The following SAMD5 variants were observed in gnomAD, a reference collection of about 807,000 sequenced individuals.
SAMD5 encodes the protein sterile alpha motif domain-containing protein 5.
A neutral mutation model predicts 11.3 loss-of-function variants in SAMD5; 13 were observed. The ratio of observed to expected loss-of-function variants is 1.15; its 90% confidence interval spans 0.75 to 1.83. The LOEUF (loss-of-function observed/expected upper bound fraction) is 1.83, where lower values mean the gene tolerates loss of function less well. SAMD5 is among the 40% of genes most tolerant of loss of function. The pLI is 0.00. For synonymous variants in SAMD5, 129 were observed against 111.3 expected, an observed-to-expected ratio of 1.16 and a Z score of -1.00; for missense variants, 255 against 239.1, an observed-to-expected ratio of 1.07 and a Z score of -0.44.
At chr6:147,656,109 G>A (rs547555374) in intron 1 of SAMD5, among the ~76,000 whole-genome samples, 1 of 152,198 alleles carries the variant, frequency 6.6e-6, no homozygotes, top group East Asian at 1.9e-4. Flanking sequence ...ATAATAAATG[G>A]TGTTGGGACA....
At chr6:147,691,276 G>C (rs1341926186) in intron 1 of SAMD5, among the ~76,000 whole-genome samples, 1 of 152,096 alleles carries the variant, frequency 6.6e-6, no homozygotes, top group African/African-American at 2.4e-5. Context: ...TTACAGGCGT[G>C]AGCCACCATA....
chr6:147,775,110 T>C, the SAMD5 span, among the ~76,000 whole-genome samples: 1 of 152,092 alleles, frequency 6.6e-6, no homozygotes. Flanking sequence ...TTATCGGGCT[T>C]ATGTGTCAGT....
At chr6:147,734,704 CT>C (rs1791767428) in intron 1 of SAMD5, among the ~76,000 whole-genome samples, 1 of 26,526 alleles carries the variant, frequency 3.8e-5, no homozygotes, top group Non-Finnish European at 9.0e-5. Context: ...CAGAGCGAGA[CT>C]CCATCTAAAA....
At chr6:147,602,794 C>CAA in intron 1 of SAMD5, among the ~76,000 whole-genome samples, 1 of 151,160 alleles carries the variant, frequency 6.6e-6, no homozygotes, top group African/African-American at 2.4e-5. Context: ...AAAAAAAACT[C>CAA]ACCCAATAAA....
the SAMD5 span, among the ~76,000 whole-genome samples, chr6:147,903,670 G>A: frequency 6.6e-6 from 1 of 152,138 alleles, no homozygotes; most frequent in African/African-American, 2.4e-5. Context: ...AGCACTTTAG[G>A]AGGCAGAGGT....
chr6:147,882,523 T>C, the SAMD5 span, among the ~76,000 whole-genome samples: 1 of 152,200 alleles, frequency 6.6e-6, no homozygotes, highest in African/African-American at 2.4e-5. Context: ...CAGGCTGCAG[T>C]GCGCTATGTT....
chr6:147,794,940 G>A, the SAMD5 span, among the ~76,000 whole-genome samples: 1,082 of 152,108 alleles, frequency 7.1e-3, 15 homozygotes, highest in African/African-American at 0.025. Flanking sequence ...ACCCTACACA[G>A]ACAGGGACCT....
the SAMD5 span, among the ~76,000 whole-genome samples, chr6:147,906,664 T>G: frequency 6.6e-6 from 1 of 152,172 alleles, no homozygotes; most frequent in Admixed American, 6.5e-5. Flanking sequence ...ATATCAGGAA[T>G]CAGTGCTCAG....
chr6:147,717,706 G>A (rs1027651252), intron 1 of SAMD5, among the ~76,000 whole-genome samples: 6 of 152,144 alleles, frequency 3.9e-5, no homozygotes, highest in Non-Finnish European at 5.9e-5. Flanking sequence ...AAAACTACAG[G>A]TGGTGGGCAC....
intron 1 of SAMD5, among the ~76,000 whole-genome samples, chr6:147,597,112 T>C (rs145543377): frequency 6.6e-6 from 1 of 152,288 alleles, no homozygotes; most frequent in African/African-American, 2.4e-5. Context: ...GCGAATATTT[T>C]AGAAGGATAT....
chr6:147,864,671 T>C, the SAMD5 span, among the ~76,000 whole-genome samples: 1 of 152,220 alleles, frequency 6.6e-6, no homozygotes, highest in African/African-American at 2.4e-5. Context: ...AACTTATTTG[T>C]TGTGGTGTGT....
At chr6:147,820,406 T>C in the SAMD5 span, among the ~76,000 whole-genome samples, 28 of 152,228 alleles carry the variant, frequency 1.8e-4, no homozygotes, top group African/African-American at 5.5e-4. Flanking sequence ...TAATTAACTT[T>C]AATCCATACT....
chr6:147,564,417 G>C lies in SAMD5; in HGVS notation c.483G>C (p.Glu161Asp), dbSNP rs771423925. ...AGGTCCCAATGGCTGGCATCCTAGA[G>C]TACTTAATGAATTGGCCGAAGTCAT... ...SRKVPMAGIL[E>D]YLMNWPKSSQ... The change falls in exon 2 of 2, where the codon GAG (glutamate) becomes GAC (aspartate). Residue 161 changes from glutamate to aspartate, a missense_variant. Glu to Asp is a conservative substitution (Grantham distance 45, BLOSUM62 2). Transcript: ENST00000367474. 1.3e-6 allele frequency: 1 copy of C among 780,942 alleles called. No individual in the cohort carries two copies. The highest frequency in any genetic ancestry group is 2.4e-5 in the East Asian group (1 of 41,224). 48.4% of individuals were successfully genotyped at this position (780,942 alleles called of 1,614,324 possible). A position where few individuals can be genotyped will look rare whatever the true frequency, so the allele number is the denominator to read the frequency against.
chr6:147,672,339 T>G (rs910624103), intron 1 of SAMD5, among the ~76,000 whole-genome samples: 3 of 152,166 alleles, frequency 2.0e-5, no homozygotes, highest in Non-Finnish European at 4.4e-5. Context: ...AGAAATTCTT[T>G]AATTACAAAA....
the SAMD5 span, among the ~76,000 whole-genome samples, chr6:147,923,533 G>A: frequency 6.6e-6 from 1 of 152,120 alleles, no homozygotes; most frequent in South Asian, 2.1e-4. Context: ...TTTACAAAGT[G>A]CTTTCGGTTT....
the SAMD5 span, among the ~76,000 whole-genome samples, chr6:147,744,276 A>G: frequency 1.3e-5 from 2 of 152,226 alleles, no homozygotes; most frequent in Non-Finnish European, 2.9e-5. Flanking sequence ...TATTATGGTA[A>G]TTAAATGAAC....
chr6:147,890,726 C>T, the SAMD5 span, among the ~76,000 whole-genome samples: 1 of 151,038 alleles, frequency 6.6e-6, no homozygotes, highest in Non-Finnish European at 1.5e-5. Flanking sequence ...AAAATAGAGA[C>T]TCATGAAGGC....
chr6:147,906,377 T>C, the SAMD5 span, among the ~76,000 whole-genome samples: 1 of 152,190 alleles, frequency 6.6e-6, no homozygotes, highest in Non-Finnish European at 1.5e-5. Flanking sequence ...CGGGTAAAAG[T>C]AGAAGGTTGG....
the SAMD5 span, among the ~76,000 whole-genome samples, chr6:147,914,155 C>T: frequency 7.4e-6 from 1 of 134,240 alleles, no homozygotes; most frequent in African/African-American, 3.1e-5. Flanking sequence ...ATTGTTTTTG[C>T]GACTTTTTTT....
Sources: gnomAD v4.1 joint callset for allele counts (sites outside exome capture counted in the v4.1 genomes callset) on GRCh38, gnomAD v4.1.1 for gene constraint, MANE v1.5 for transcripts, NCBI Gene and HGNC (gene_info 2026-07-23, HGNC 2026-07-21) for gene names.